RP2: variants seen among roughly 807,000 people sequenced by gnomAD.
RP2 encodes the protein protein XRP2.
RP2 carries 3 observed loss-of-function variants against 20.3 expected under a neutral mutation model. The observed-to-expected ratio is 0.15, with a 90% CI of 0.07 to 0.38. The LOEUF is 0.38. Among genes scored for constraint, RP2 ranks in the 10% least tolerant of loss-of-function variants. The pLI is 1.00. For synonymous variants in RP2, 75 were observed against 94.8 expected (o/e 0.79, Z 1.22); for missense variants, 233 against 268.5 (o/e 0.87, Z 0.92).
At chrX:46,842,045 T>C (rs1480577593) in intron 1 of RP2, among the ~76,000 whole-genome samples, 2 of 111,852 alleles carry the variant, frequency 1.8e-5, no homozygotes, top group African/African-American at 6.5e-5. Flanking sequence ...CCCAAGTAGC[T>C]GGGATTATAG....
At chrX:46,850,962 A>G (rs1924849182) in intron 1 of RP2, among the ~76,000 whole-genome samples, 1 of 111,691 alleles carries the variant, frequency 9.0e-6, no homozygotes, top group South Asian at 3.7e-4. Context: ...GGTTGCTTAT[A>G]GGGGACAAAA....
At position 46,877,601 on chromosome X, in the gene RP2, T is replaced by G; in HGVS notation, c.969+11T>G. ...TTCAATGGGACCAAGGTACAAGATT[T>G]TATTGACTGTATTTCAATCTAACTT... On this transcript the variant is annotated intron_variant, in intron 4 of 4. Coordinates refer to ENST00000218340, the MANE Select transcript of RP2 (RefSeq NM_006915.3). The G allele has an allele frequency of 9.4e-7, 1 of 1,062,008 alleles. No homozygotes were observed. The highest frequency in any genetic ancestry group is 1.8e-5 in the African/African-American group (1 of 55,089). The allele number at this position is 1,062,008 out of a possible 1,213,427, so 87.5% of individuals were successfully genotyped here. A position where few individuals can be genotyped will look rare whatever the true frequency, so the allele number is the denominator to read the frequency against.
At chrX:46,839,463 G>A (rs1924574621) in intron 1 of RP2, among the ~76,000 whole-genome samples, 1 of 109,927 alleles carries the variant, frequency 9.1e-6, no homozygotes, top group Admixed American at 9.8e-5. Context: ...GAGGTGGGAG[G>A]ATCACCTGAG....
chrX:46,847,760 ACACACATGTGTGTGTG>A (rs1394839151), intron 1 of RP2, among the ~76,000 whole-genome samples: 5 of 85,480 alleles, frequency 5.8e-5, no homozygotes, highest in African/African-American at 2.0e-4. Flanking sequence ...GTGTGTATAT[ACACACATGTGTGTGTG>A]TACATACACA....
At chrX:46,842,685 G>A (rs782781829) in intron 1 of RP2, among the ~76,000 whole-genome samples, 2 of 111,734 alleles carry the variant, frequency 1.8e-5, no homozygotes, top group South Asian at 3.7e-4. Context: ...GTCTCTATAA[G>A]TGTTCCTATT....
chrX:46,863,617 T>G (rs1208935163), intron 3 of RP2, among the ~76,000 whole-genome samples: 1 of 111,323 alleles, frequency 9.0e-6, no homozygotes, highest in Non-Finnish European at 1.9e-5. Flanking sequence ...GGCCAGGTAA[T>G]TCTTTGTTAT....
chrX:46,860,666 T>G lies in RP2; in HGVS notation c.883+564T>G, dbSNP rs1042912273. Reference sequence around the variant, plus strand: ...TGAGTATGTGTGCCCACTTGAAGGGTTACTGTCTGCCTACCTGTATTTGAA... The same window carrying G: ...TGAGTATGTGTGCCCACTTGAAGGGGTACTGTCTGCCTACCTGTATTTGAA... On this transcript the variant is annotated intron_variant, in intron 3 of 4. Transcript: ENST00000218340. Among the ~76,000 whole-genome samples, 10 of 111,734 alleles carry G rather than the reference T, an allele frequency of 8.9e-5. No homozygotes were observed. In the East Asian group the frequency reaches 2.5e-3, roughly 28 times the overall value.
At chrX:46,843,232 C>A (rs1924657434) in intron 1 of RP2, among the ~76,000 whole-genome samples, 1 of 110,877 alleles carries the variant, frequency 9.0e-6, no homozygotes, top group African/African-American at 3.3e-5. Context: ...TGGTCTCGAT[C>A]TCCTGACTGC....
At chrX:46,862,070 G>C (rs1925074425) in intron 3 of RP2, among the ~76,000 whole-genome samples, 1 of 111,826 alleles carries the variant, frequency 8.9e-6, no homozygotes, top group Non-Finnish European at 1.9e-5. Flanking sequence ...TGGGGTAAAA[G>C]TTGCTAAGAA....
At position 46,837,057 on chromosome X, in the gene RP2, G is replaced by C. The variant is rs186256592; in HGVS notation, c.-44G>C. ...GGGTTCACGCCACACTCTAGGAAGT[G>C]CCTGAGCTAGTGAGCTGGCCAACGA... On this transcript the variant is annotated 5_prime_UTR_variant, in exon 1 of 5. Transcript: ENST00000218340. The C allele has an allele frequency of 5.3e-4, 598 of 1,132,046 alleles. 3 individuals are homozygous for C. The African/African-American group carries it at 5.8e-3, about 11-fold the overall frequency. The allele number at this position is 1,132,046 out of a possible 1,213,427, so 93.3% of individuals were successfully genotyped here. A position where few individuals can be genotyped will look rare whatever the true frequency, so the allele number is the denominator to read the frequency against.
At chrX:46,870,085 A>G (rs1213521837) in intron 3 of RP2, among the ~76,000 whole-genome samples, 1 of 111,494 alleles carries the variant, frequency 9.0e-6, no homozygotes, top group African/African-American at 3.3e-5. Context: ...GCCATTAGAC[A>G]GCACTTCAGC....
chrX:46,849,834 C>G (rs1471996355), intron 1 of RP2, among the ~76,000 whole-genome samples: 2 of 111,514 alleles, frequency 1.8e-5, no homozygotes, highest in Admixed American at 9.6e-5. Flanking sequence ...AGCCCTACCC[C>G]CCTACACATG....
intron 3 of RP2, among the ~76,000 whole-genome samples, chrX:46,863,424 T>C: frequency 8.9e-6 from 1 of 112,384 alleles, no homozygotes; most frequent in Non-Finnish European, 1.9e-5. Context: ...ATAGAAATTT[T>C]CAAAATAAAA....
At chrX:46,867,328 C>T (rs1269733538) in intron 3 of RP2, among the ~76,000 whole-genome samples, 1 of 112,288 alleles carries the variant, frequency 8.9e-6, no homozygotes, top group Non-Finnish European at 1.9e-5. Flanking sequence ...CTCGAACTCC[C>T]GACCTCAGGC....
chrX:46,846,660 G>C (rs1420787295), intron 1 of RP2, among the ~76,000 whole-genome samples: 1 of 111,839 alleles, frequency 8.9e-6, no homozygotes, highest in Non-Finnish European at 1.9e-5. Flanking sequence ...ATGCCATTTT[G>C]CCTACCAGCA....
intron 1 of RP2, among the ~76,000 whole-genome samples, chrX:46,848,528 C>T (rs1041388111): frequency 1.5e-4 from 16 of 106,825 alleles, no homozygotes; most frequent in East Asian, 6.0e-4. Flanking sequence ...GAATTACAGG[C>T]GCCCACCACC....
At chrX:46,856,517 G>T (rs781961084) in intron 2 of RP2, among the ~76,000 whole-genome samples, 193 of 112,204 alleles carry the variant, frequency 1.7e-3, no homozygotes, top group Middle Eastern at 9.2e-3. Context: ...TATGAAATAG[G>T]TGCTATTATT....
chrX:46,863,968 G>A (rs1364666088), intron 3 of RP2, among the ~76,000 whole-genome samples: 12 of 111,713 alleles, frequency 1.1e-4, no homozygotes, highest in African/African-American at 3.9e-4. Context: ...TCCATCATGA[G>A]GATCTCCAAA....
chrX:46,874,830 T>A (rs912536036), intron 3 of RP2, among the ~76,000 whole-genome samples: 21 of 110,512 alleles, frequency 1.9e-4, no homozygotes, highest in African/African-American at 6.6e-4. Flanking sequence ...ATTTGGTTTT[T>A]TTTTTTTAAT....
Sources: gnomAD v4.1 joint callset for allele counts (sites outside exome capture counted in the v4.1 genomes callset) on GRCh38, gnomAD v4.1.1 for gene constraint, MANE v1.5 for transcripts, NCBI Gene and HGNC (gene_info 2026-07-23, HGNC 2026-07-21) for gene names.